Variants in SI observed in about 807,000 individuals in gnomAD.
SI encodes sucrase-isomaltase, also known as sucrase-isomaltase, intestinal.
SI carries 235 observed loss-of-function variants against 253.3 expected under a neutral mutation model. That is an observed-to-expected ratio of 0.93 (90% CI 0.83 to 1.03). The LOEUF is 1.03. Ranked by LOEUF, SI falls within the 50% of genes least tolerant of loss-of-function variation. The pLI, the probability that SI is intolerant of heterozygous loss-of-function variation, is 0.00. For synonymous variants in SI, 819 were observed against 712.0 expected, an observed-to-expected ratio of 1.15 and a Z score of -2.39; for missense variants, 2,442 against 2,211.1, an observed-to-expected ratio of 1.10 and a Z score of -2.09.
rs1364754351 is a variant in SI, at chr3:165,023,764, A to C, written c.2905T>G (p.Ser969Ala). The stretch of plus-strand genomic sequence containing the variant: ...GGAAAGTAACACTCAGGTGCTTTGG[A>C]TAGAGAAGAACCCTAAAAACACAAT... Reference protein sequence around the residue: ...GCVWRTGSSLSKAPECYFPRQ... With the variant: ...GCVWRTGSSLAKAPECYFPRQ... The change falls in exon 26 of 48, where the codon TCC becomes GCC. Residue 969 changes from serine to alanine, a missense_variant. Transcript: ENST00000264382. The C allele has an allele frequency of 1.3e-5, 21 of 1,609,422 alleles. No individual in the cohort carries two copies. The highest frequency in any genetic ancestry group is 1.8e-5 in the Non-Finnish European group (21 of 1,176,914).
upstream of SI, among the ~76,000 whole-genome samples, chr3:165,080,915 CT>C (rs1184406862): frequency 2.0e-5 from 3 of 151,466 alleles, no homozygotes; most frequent in Non-Finnish European, 4.4e-5. Context: ...AAAAGAAAGT[CT>C]TAAAGAAACA....
At chr3:165,048,629 G>A (rs1268487173) in intron 15 of SI, among the ~76,000 whole-genome samples, 1 of 147,220 alleles carries the variant, frequency 6.8e-6, no homozygotes, top group African/African-American at 2.5e-5. Flanking sequence ...TTGTTTGTTT[G>A]TTTTTGGAGA....
At chr3:164,984,920 T>G (rs6784226) in intron 45 of SI, among the ~76,000 whole-genome samples, 6,398 of 152,242 alleles carry the variant, frequency 0.042, 456 homozygotes, top group African/African-American at 0.15. Flanking sequence ...ATTTGCTATA[T>G]ATGGTTTTCG....
chr3:164,982,114 G>T, intron 47 of SI, 129 bp downstream of exon 47: 1 of 685,680 alleles, frequency 1.5e-6, no homozygotes. Context: ...GAGGCCTAAT[G>T]AAAAGGAATA....
In SI at chr3:164,982,147, T is replaced by G. The variant is rs1021137893; in HGVS notation, c.5415+96A>C. The G allele has an allele frequency of 4.4e-5, 38 of 860,076 alleles. No individual in the cohort carries two copies. In the Admixed American group the frequency reaches 9.2e-4, roughly 21 times the overall value. 53.3% of individuals were successfully genotyped at this position (860,076 alleles called of 1,614,324 possible). A position where few individuals can be genotyped will look rare whatever the true frequency, so the allele number is the denominator to read the frequency against. ...ATATATGAAGAATGTCATAATTGAC[T>G]CATAATTATGTTTCTTACAGATGAG... On this transcript the variant is annotated intron_variant, in intron 47 of 47. Coordinates refer to ENST00000264382, the MANE Select transcript of SI (RefSeq NM_001041.4).
At chr3:164,982,833 T>C (rs780187683) in intron 46 of SI, among the ~76,000 whole-genome samples, 169 bp downstream of exon 46, 6 of 152,014 alleles carry the variant, frequency 3.9e-5, no homozygotes, top group Non-Finnish European at 7.4e-5. Context: ...AATGTTTTTA[T>C]AGAGATGGGG....
At position 165,068,788 on chromosome 3, in the gene SI, A is replaced by C. The variant is rs758407768; in HGVS notation, c.417T>G (p.Phe139Leu). The C allele has an allele frequency of 8.7e-5, 141 of 1,613,742 alleles. No individual in the cohort carries two copies. Among genetic ancestry groups the C allele is most frequent in the Non-Finnish European group, 1.2e-4 (140 of 1,179,826 alleles). ...KLNRIPSPTL[F>L]GNDINSVLFT... ...AGAGAACACTGTTGATGTCATTTCC[A>C]AATAGTGTAGGTGAAGGTATCCTGT... The change falls in exon 5 of 48, where the codon TTT becomes TTG. Residue 139 changes from phenylalanine (F) to leucine (L), a missense_variant. Coordinates refer to ENST00000264382, the MANE Select transcript of SI (RefSeq NM_001041.4).
intron 37 of SI, among the ~76,000 whole-genome samples, chr3:165,000,016 G>A (rs1458182289): frequency 2.7e-5 from 4 of 150,714 alleles, no homozygotes; most frequent in African/African-American, 9.7e-5. Context: ...ATATTTTTTT[G>A]AAATTTAATA....
At chr3:164,993,827 G>A (rs952792781) in intron 41 of SI, among the ~76,000 whole-genome samples, 2 of 151,608 alleles carry the variant, frequency 1.3e-5, no homozygotes, top group Non-Finnish European at 3.0e-5. Flanking sequence ...ATCTCATTGG[G>A]ATACATCAAG....
intron 33 of SI, among the ~76,000 whole-genome samples, chr3:165,013,720 G>A (rs941357895): frequency 6.6e-6 from 1 of 152,064 alleles, no homozygotes; most frequent in South Asian, 2.1e-4. Context: ...ATTTACAAGG[G>A]ATTAGCTGAT....
At chr3:165,044,285 T>C (rs966160525) in intron 16 of SI, among the ~76,000 whole-genome samples, 3 of 151,966 alleles carry the variant, frequency 2.0e-5, no homozygotes, top group Non-Finnish European at 2.9e-5. Context: ...GTAAAAAACA[T>C]ATTCTTATTC....
intron 22 of SI, among the ~76,000 whole-genome samples, chr3:165,035,060 C>T (rs1253211055): frequency 6.6e-6 from 1 of 151,834 alleles, no homozygotes; most frequent in African/African-American, 2.4e-5. Context: ...GCATCTGTAG[C>T]AATGAAGTTA....
At chr3:165,057,337 A>T (rs1249179000) in intron 12 of SI, among the ~76,000 whole-genome samples, 9 of 151,970 alleles carry the variant, frequency 5.9e-5, no homozygotes, top group East Asian at 5.8e-4. Context: ...TGGCTACAAG[A>T]TGTAGAAAAT....
chr3:165,049,757 TA>T, intron 14 of SI, 33 bp downstream of exon 14: 1 of 1,220,698 alleles, frequency 8.2e-7, no homozygotes. Context: ...TATTCTCAAT[TA>T]AAACAGTAAT....
At position 165,019,584 on chromosome 3, in the gene SI, T is replaced by C. The variant is rs772901753; in HGVS notation, c.3423+18A>G. Reference sequence around the variant, plus strand: ...TGGTCTTAGTTGCCTCGTGGAGTGGTCATATGTTGGTACCTACACCAGGGG... The same window carrying C: ...TGGTCTTAGTTGCCTCGTGGAGTGGCCATATGTTGGTACCTACACCAGGGG... On this transcript the variant is annotated intron_variant, in intron 28 of 47. Transcript: ENST00000264382. The C allele has an allele frequency of 1.2e-6, 2 of 1,610,316 alleles. No homozygotes were observed. The highest frequency in any genetic ancestry group is 1.7e-4 in the Middle Eastern group (1 of 6,046).
chr3:164,991,112 C>T (rs2108125344), intron 44 of SI, among the ~76,000 whole-genome samples: 1 of 152,220 alleles, frequency 6.6e-6, no homozygotes, highest in East Asian at 1.9e-4. Flanking sequence ...GCCTGGGTCG[C>T]TCCATGTCAT....
intron 32 of SI, 84 bp from the exon 33 acceptor site, chr3:165,015,317 T>TTTA (rs2108171179): frequency 1.2e-6 from 1 of 850,142 alleles, no homozygotes; most frequent in East Asian, 2.6e-5. Flanking sequence ...TAAGTTTTCA[T>TTTA]TACTACATTA....
rs973915706 is a variant in SI at position 164,996,729 on chromosome 3, A to G, written c.4575+9T>C. 2 of 1,175,172 alleles carry G rather than the reference A, an allele frequency of 1.7e-6. No individual in the cohort carries two copies. Among genetic ancestry groups the G allele is most frequent in the Non-Finnish European group, 2.5e-6 (2 of 791,868 alleles). 72.8% of individuals were successfully genotyped at this position (1,175,172 alleles called of 1,614,324 possible). On this transcript the variant is annotated intron_variant, in intron 39 of 47. Coordinates refer to ENST00000264382, the MANE Select transcript of SI (RefSeq NM_001041.4). ...AATTTATGAAGATAAAAGGAATAAA[A>G]CTACTTACATATGACATTCCAAACA...
In SI at chr3:165,023,411, T is replaced by C. The variant is rs1239060936; in HGVS notation, c.3099+159A>G. On this transcript the variant is annotated intron_variant, in intron 26 of 47. Transcript: ENST00000264382. The stretch of plus-strand genomic sequence containing the variant: ...TGAGCAGTTTCATTTATTGGGCACC[T>C]AGCTATGAGTTGTGTAGGAAAAAAT... Among the ~76,000 whole-genome samples the C allele has an allele frequency of 1.1e-4, 16 of 151,564 alleles. No individual in the cohort carries two copies. The Admixed American group carries it at 1.1e-3, about 10-fold the overall frequency.
Sources: gnomAD v4.1 joint callset for allele counts (sites outside exome capture counted in the v4.1 genomes callset) on GRCh38, gnomAD v4.1.1 for gene constraint, MANE v1.5 for transcripts, NCBI Gene and HGNC (gene_info 2026-07-23, HGNC 2026-07-21) for gene names.